Variants in ARHGEF4 observed in about 807,000 individuals in gnomAD.
ARHGEF4 encodes APC-stimulated guanine nucleotide exchange factor 1.
Under a neutral mutation model 162.0 loss-of-function variants are expected in ARHGEF4, and 119 were observed. That is an observed-to-expected ratio of 0.73 (90% confidence interval 0.63 to 0.86). The LOEUF is 0.86. Ranked by LOEUF, ARHGEF4 falls within the 40% of genes least tolerant of loss-of-function variation. The pLI is 0.00. For missense variants in ARHGEF4, 2,488 were observed against 2,456.0 expected, an observed-to-expected ratio of 1.01 and a Z score of -0.28; for synonymous variants, 1,014 against 979.9, an observed-to-expected ratio of 1.03 and a Z score of -0.65.
chr2:131,041,100 C>A, intron 8 of ARHGEF4, 130 bp from the exon 9 acceptor site: 1 of 769,420 alleles, frequency 1.3e-6, no homozygotes, highest in South Asian at 1.8e-5. Flanking sequence ...GTACACACAG[C>A]CTGGGTCTCC....
chr2:130,929,723 G>A (rs1260902310), intron 2 of ARHGEF4: 1 of 188,902 alleles, frequency 5.3e-6, no homozygotes, highest in Admixed American at 4.7e-5. Flanking sequence ...ATATCAGTAA[G>A]AAATTATAGC....
intron 1 of ARHGEF4, among the ~76,000 whole-genome samples, chr2:130,893,140 AG>A (rs1679956333): frequency 6.6e-6 from 1 of 152,176 alleles, no homozygotes; most frequent in Non-Finnish European, 1.5e-5. Context: ...GTTTCACGCT[AG>A]GTTTCTCTTG....
At chr2:131,039,988 G>T (rs776705096) in intron 6 of ARHGEF4, 28 bp from the exon 7 acceptor site, 3 of 1,547,442 alleles carry the variant, frequency 1.9e-6, no homozygotes, top group Non-Finnish European at 2.6e-6. Context: ...GGGATGCGGG[G>T]CACTGACCGG....
At chr2:130,908,068 A>G (rs116415238) in intron 1 of ARHGEF4, among the ~76,000 whole-genome samples, 4,353 of 152,184 alleles carry the variant, frequency 0.029, 198 homozygotes, top group African/African-American at 0.098. Context: ...TTTTATGATA[A>G]ACTTCCTATC....
At chr2:130,888,420 G>A (rs1408973016) in intron 1 of ARHGEF4, among the ~76,000 whole-genome samples, 7 of 151,174 alleles carry the variant, frequency 4.6e-5, no homozygotes, top group Non-Finnish European at 1.0e-4. Context: ...GCAGTGAACC[G>A]AGATCACACC....
intron 4 of ARHGEF4, among the ~76,000 whole-genome samples, chr2:130,995,420 G>A (rs1044361708): frequency 9.9e-5 from 15 of 151,980 alleles, no homozygotes; most frequent in Admixed American, 9.8e-4. Context: ...TTCTACCTCC[G>A]TGAGCCCGCG....
At chr2:130,863,867 T>C (rs1395689136) in intron 1 of ARHGEF4, among the ~76,000 whole-genome samples, 1 of 96,880 alleles carries the variant, frequency 1.0e-5, no homozygotes, top group Non-Finnish European at 2.0e-5. Flanking sequence ...GGCATATCCA[T>C]AGGGTGGAAT....
At chr2:130,892,157 A>G (rs1679895245) in intron 1 of ARHGEF4, among the ~76,000 whole-genome samples, 1 of 152,176 alleles carries the variant, frequency 6.6e-6, no homozygotes, top group Non-Finnish European at 1.5e-5. Context: ...GACAATGCTT[A>G]TTTGAATACT....
chr2:130,896,163 CTTT>C (rs966193054), intron 1 of ARHGEF4, among the ~76,000 whole-genome samples: 2 of 152,154 alleles, frequency 1.3e-5, no homozygotes, highest in African/African-American at 4.8e-5. Context: ...TTTATATAGT[CTTT>C]TTGATTTTTT....
At chr2:130,919,892 A>T (rs954303975) in intron 2 of ARHGEF4, among the ~76,000 whole-genome samples, 1 of 151,628 alleles carries the variant, frequency 6.6e-6, no homozygotes, top group African/African-American at 2.4e-5. Flanking sequence ...AAAAAAAGTG[A>T]TATATACATA....
chr2:130,952,710 C>T (rs1311554465), intron 4 of ARHGEF4, among the ~76,000 whole-genome samples: 1 of 152,208 alleles, frequency 6.6e-6, no homozygotes, highest in African/African-American at 2.4e-5. Flanking sequence ...GCAACTTCAG[C>T]AAAGTCTCAG....
chr2:130,942,135 T>A (rs1212621352), intron 3 of ARHGEF4, among the ~76,000 whole-genome samples: 1 of 144,016 alleles, frequency 6.9e-6, no homozygotes, highest in Non-Finnish European at 1.5e-5. Flanking sequence ...GGTTTGGTAG[T>A]TTTTTTTTTC....
At chr2:130,972,349 G>C (rs952354239) in intron 4 of ARHGEF4, among the ~76,000 whole-genome samples, 1 of 152,048 alleles carries the variant, frequency 6.6e-6, no homozygotes, top group African/African-American at 2.4e-5. Flanking sequence ...AAAAGAAAAA[G>C]GAGATCCTTA....
intron 2 of ARHGEF4, among the ~76,000 whole-genome samples, chr2:130,922,942 T>TA (rs1327587983): frequency 1.2e-5 from 1 of 80,140 alleles, no homozygotes; most frequent in Non-Finnish European, 3.5e-5. Context: ...ATATATATAT[T>TA]TTGTTTGAGA....
chr2:130,946,811 G>T, intron 4 of ARHGEF4, 176 bp downstream of exon 4: 1 of 814,270 alleles, frequency 1.2e-6, no homozygotes, highest in Non-Finnish European at 1.8e-6. Context: ...CCCAAAGAAA[G>T]GGAATTATTG....
chr2:130,840,366 A>G (rs916497203), intron 1 of ARHGEF4, among the ~76,000 whole-genome samples: 2 of 152,210 alleles, frequency 1.3e-5, no homozygotes, highest in African/African-American at 4.8e-5. Flanking sequence ...AGATCTGTCC[A>G]CCGCATTTTC....
chr2:130,883,984 C>T (rs1041912232), intron 1 of ARHGEF4, among the ~76,000 whole-genome samples: 1 of 152,070 alleles, frequency 6.6e-6, no homozygotes, highest in African/African-American at 2.4e-5. Flanking sequence ...TAATGAAGTG[C>T]TCCATTAATA....
At chr2:130,952,051 A>G (rs946124957) in intron 4 of ARHGEF4, among the ~76,000 whole-genome samples, 1 of 152,186 alleles carries the variant, frequency 6.6e-6, no homozygotes, top group Non-Finnish European at 1.5e-5. Flanking sequence ...GTTGCATGTT[A>G]AGAGAAGAAA....
At chr2:131,035,481 G>A in intron 5 of ARHGEF4, 1 of 358,410 alleles carries the variant, frequency 2.8e-6, no homozygotes, top group Middle Eastern at 9.3e-4. Context: ...CCTGTGGGGA[G>A]TGGGGGCTGC....
Sources: allele counts gnomAD v4.1 joint callset (sites outside exome capture counted in the v4.1 genomes callset), GRCh38; gene constraint gnomAD v4.1.1; transcripts MANE v1.5; gene names NCBI Gene and HGNC (gene_info 2026-07-23, HGNC 2026-07-21).